CHM: variants seen among roughly 807,000 people sequenced by gnomAD.
CHM encodes the protein rab proteins geranylgeranyltransferase component A 1.
CHM carries 10 observed loss-of-function variants against 49.0 expected under a neutral mutation model. The observed-to-expected ratio is 0.20, with a 90% confidence interval of 0.13 to 0.35. The LOEUF is 0.35. CHM is among the 10% of genes least tolerant of loss of function. The pLI is 1.00. For synonymous variants in CHM, 184 were observed against 167.5 expected (o/e 1.10, Z -0.76); for missense variants, 455 against 478.4 (o/e 0.95, Z 0.46).
chrX:86,032,707 C>T (rs1249668678), intron 1 of CHM, among the ~76,000 whole-genome samples: 1 of 111,736 alleles, frequency 8.9e-6, no homozygotes, highest in African/African-American at 3.2e-5. Flanking sequence ...GTATTATAAG[C>T]AAGCATGTGT....
At chrX:85,922,356 C>A (rs1266310533) in intron 8 of CHM, among the ~76,000 whole-genome samples, 1 of 111,423 alleles carries the variant, frequency 9.0e-6, no homozygotes, top group East Asian at 2.8e-4. Context: ...TTTCTTTGAG[C>A]AGGAAGTAGA....
At chrX:85,990,409 T>C (rs1932124223) in intron 2 of CHM, among the ~76,000 whole-genome samples, 1 of 111,509 alleles carries the variant, frequency 9.0e-6, no homozygotes, top group South Asian at 3.8e-4. Flanking sequence ...GTTGCTGAGA[T>C]AATGAGTACA....
chrX:85,884,212 G>A (rs1924942548), intron 12 of CHM, among the ~76,000 whole-genome samples: 1 of 110,692 alleles, frequency 9.0e-6, no homozygotes, highest in Admixed American at 9.7e-5. Flanking sequence ...AATTAGCTGA[G>A]GGGAGGAAAA....
At chrX:85,948,820 G>A (rs945202047) in intron 8 of CHM, among the ~76,000 whole-genome samples, 1 of 111,634 alleles carries the variant, frequency 9.0e-6, no homozygotes, top group Non-Finnish European at 1.9e-5. Flanking sequence ...TGGTAATAGT[G>A]TTACTACTTT....
intron 1 of CHM, among the ~76,000 whole-genome samples, chrX:86,042,686 G>T (rs1934514343): frequency 3.6e-5 from 4 of 110,279 alleles, no homozygotes; most frequent in Admixed American, 1.9e-4. Flanking sequence ...AGCCAGGCAT[G>T]GTGATGCATG....
chrX:86,033,982 A>G (rs1418683928), intron 1 of CHM, among the ~76,000 whole-genome samples: 1 of 111,743 alleles, frequency 8.9e-6, no homozygotes, highest in Non-Finnish European at 1.9e-5. Context: ...TTTAATTTTT[A>G]AAAATTCACT....
chrX:86,028,013 G>A (rs1392833441), intron 1 of CHM, among the ~76,000 whole-genome samples: 3 of 111,756 alleles, frequency 2.7e-5, no homozygotes, highest in Non-Finnish European at 1.9e-5. Flanking sequence ...CGCCCACCTC[G>A]GCCTCCCAAA....
At chrX:86,006,611 C>T (rs192579889) in intron 2 of CHM, among the ~76,000 whole-genome samples, 1 of 111,549 alleles carries the variant, frequency 9.0e-6, no homozygotes, top group Non-Finnish European at 1.9e-5. Context: ...CATTCCTATA[C>T]ACCAATAACA....
intron 8 of CHM, among the ~76,000 whole-genome samples, chrX:85,927,116 A>T (rs1304591959): frequency 1.8e-5 from 2 of 112,296 alleles, no homozygotes; most frequent in African/African-American, 3.2e-5. Context: ...TTTTGTAAAA[A>T]ATTAGTTACA....
rs762138715 is a variant in CHM at position 85,964,619 on chromosome X, T to TA, written c.315-568dup. ...TACTGAGGAATTCCTGACTTGGTGATACGACAGAAGACCTTCAATAAAGGG... is the reference window on the plus strand; with the variant it reads ...TACTGAGGAATTCCTGACTTGGTGATAACGACAGAAGACCTTCAATAAAGGG... On this transcript the variant is annotated intron_variant, in intron 4 of 14. Coordinates refer to ENST00000357749, the MANE Select transcript of CHM (RefSeq NM_000390.4). 2.8e-3 allele frequency among the ~76,000 whole-genome samples: 318 copies of TA among 112,081 alleles called. 1 individual carries two copies. The highest frequency in any genetic ancestry group is 9.5e-3 in the African/African-American group (293 of 30,883).
At chrX:85,999,172 T>A (rs1409992054) in intron 2 of CHM, among the ~76,000 whole-genome samples, 1 of 111,438 alleles carries the variant, frequency 9.0e-6, no homozygotes, top group Non-Finnish European at 1.9e-5. Context: ...CATCAATTCT[T>A]AATCTAAGAT....
chrX:86,041,736 A>G (rs780540345), intron 1 of CHM, among the ~76,000 whole-genome samples: 1,844 of 92,684 alleles, frequency 0.02, 21 homozygotes, highest in African/African-American at 0.059. Context: ...GTATATATAT[A>G]TATATATATA....
chrX:86,036,190 A>T (rs1030243158), intron 1 of CHM, among the ~76,000 whole-genome samples: 31 of 111,217 alleles, frequency 2.8e-4, no homozygotes, highest in African/African-American at 9.8e-4. Context: ...CATGTGCCCA[A>T]GGTGGTTGGG....
intron 8 of CHM, among the ~76,000 whole-genome samples, chrX:85,940,578 A>G (rs1440335793): frequency 1.9e-5 from 2 of 107,932 alleles, no homozygotes; most frequent in African/African-American, 6.8e-5. Flanking sequence ...CTAACATTTT[A>G]CAATGCACAA....
chrX:85,913,925 G>A (rs1927286871), intron 8 of CHM, among the ~76,000 whole-genome samples: 1 of 111,020 alleles, frequency 9.0e-6, no homozygotes, highest in African/African-American at 3.3e-5. Context: ...GTGGATATAC[G>A]GAGAAAGAAT....
At chrX:85,897,602 G>A (rs781118312) in intron 11 of CHM, among the ~76,000 whole-genome samples, 3 of 110,195 alleles carry the variant, frequency 2.7e-5, no homozygotes, top group Non-Finnish European at 5.7e-5. Context: ...GGTGGGGGAG[G>A]GGCAGCAGGT....
At chrX:85,951,420 C>G (rs756387733) in intron 8 of CHM, among the ~76,000 whole-genome samples, 74 of 110,525 alleles carry the variant, frequency 6.7e-4, no homozygotes, top group African/African-American at 2.3e-3. Flanking sequence ...AGTCTTGTCT[C>G]TATACTTCAG....
At chrX:85,901,828 G>A (rs1304568596) in intron 9 of CHM, among the ~76,000 whole-genome samples, 1 of 111,651 alleles carries the variant, frequency 9.0e-6, no homozygotes, top group Non-Finnish European at 1.9e-5. Context: ...ACTTATGCAC[G>A]GACATTATCA....
At chrX:86,045,029 G>A (rs1934601025) in intron 1 of CHM, among the ~76,000 whole-genome samples, 1 of 111,908 alleles carries the variant, frequency 8.9e-6, no homozygotes, top group African/African-American at 3.2e-5. Flanking sequence ...AGTTAATCAA[G>A]GTGAAAGGGA....
Sources: gnomAD v4.1 joint callset for allele counts (sites outside exome capture counted in the v4.1 genomes callset) on GRCh38, gnomAD v4.1.1 for gene constraint, MANE v1.5 for transcripts, NCBI Gene and HGNC (gene_info 2026-07-23, HGNC 2026-07-21) for gene names.